DYRK1A: variants seen among roughly 807,000 people sequenced by gnomAD.
DYRK1A encodes the protein dual specificity tyrosine phosphorylation regulated kinase 1A.
DYRK1A carries 9 observed loss-of-function variants against 79.7 expected under a neutral mutation model. That is an observed-to-expected ratio of 0.11 (90% CI 0.07 to 0.20). The LOEUF (loss-of-function observed/expected upper bound fraction) is 0.20, where lower values mean the gene tolerates loss of function less well. Ranked by LOEUF, DYRK1A falls within the 10% of genes least tolerant of loss-of-function variation. The pLI is 1.00. For missense variants in DYRK1A, 622 were observed against 956.0 expected (o/e 0.65, Z 4.61); for synonymous variants, 349 against 329.7 (o/e 1.06, Z -0.63).
intron 2 of DYRK1A, chr21:37,464,248 T>C (rs748167118): frequency 2.1e-6 from 1 of 474,058 alleles, no homozygotes; most frequent in Non-Finnish European, 4.2e-6. Flanking sequence ...ATGTGTTGTT[T>C]ATGAAATATT....
At chr21:37,371,650 A>G (rs1314461331) in intron 1 of DYRK1A, among the ~76,000 whole-genome samples, 2 of 152,214 alleles carry the variant, frequency 1.3e-5, no homozygotes, top group Non-Finnish European at 2.9e-5. Flanking sequence ...TTGACAAGTT[A>G]CATAATTTTT....
At chr21:37,509,765 T>G (rs1021773469) in intron 11 of DYRK1A, among the ~76,000 whole-genome samples, 2 of 152,216 alleles carry the variant, frequency 1.3e-5, no homozygotes, top group African/African-American at 4.8e-5. Flanking sequence ...ATTTCCAACC[T>G]TTTTTACTAT....
At position 37,455,824 on chromosome 21, in the gene DYRK1A, T is replaced by A. The variant is rs968733280; in HGVS notation, c.11-16860T>A. Among the ~76,000 whole-genome samples, 4 of 152,212 alleles carry A rather than the reference T, an allele frequency of 2.6e-5. No individual in the cohort carries two copies. The South Asian group carries it at 8.3e-4, about 32-fold the overall frequency. Reference sequence around the variant, plus strand: ...TTAACTCTTTACTGTTCTTAGTACCTTGAGGTTTAAGTACTGTTATAAACC... The same window carrying A: ...TTAACTCTTTACTGTTCTTAGTACCATGAGGTTTAAGTACTGTTATAAACC... On this transcript the variant is annotated intron_variant, in intron 2 of 11. Transcript: ENST00000647188.
rs1044772175 is a variant in DYRK1A at position 37,524,965 on chromosome 21, G to A, written c.*12434G>A. The A allele has an allele frequency of 7.9e-5, 12 of 152,334 alleles. No homozygotes were observed. Among genetic ancestry groups the A allele is most frequent in the Admixed American group, 4.6e-4 (7 of 15,292 alleles). The allele number at this position is 152,334 out of a possible 1,614,324, so 9.4% of individuals were successfully genotyped here. ...AGTACAAAAATTAGCCGGGCATGAT[G>A]GCATGCACTGGTAATTCCAGCTACT... is the stretch of plus-strand genomic sequence containing the variant. On this transcript the variant is annotated 3_prime_UTR_variant, in exon 12 of 12. Coordinates refer to ENST00000647188, the MANE Select transcript of DYRK1A (RefSeq NM_001347721.2).
At chr21:37,377,988 G>A (rs1297649723) in intron 1 of DYRK1A, among the ~76,000 whole-genome samples, 3 of 152,170 alleles carry the variant, frequency 2.0e-5, no homozygotes, top group East Asian at 1.9e-4. Flanking sequence ...TTGCCATATT[G>A]TCTTCCAGAA....
intron 9 of DYRK1A, chr21:37,503,622 T>C (rs947561630): frequency 2.6e-5 from 4 of 152,228 alleles, no homozygotes; most frequent in African/African-American, 9.7e-5. Context: ...GGGGTCTGGC[T>C]ATGTTGCCTT....
chr21:37,430,919 C>T (rs530586119), intron 2 of DYRK1A, among the ~76,000 whole-genome samples: 1 of 152,182 alleles, frequency 6.6e-6, no homozygotes, highest in South Asian at 2.1e-4. Context: ...CCAGTCTCTC[C>T]CCTTCTTTCT....
intron 2 of DYRK1A, among the ~76,000 whole-genome samples, chr21:37,431,952 T>TA (rs2050787696): frequency 6.6e-6 from 1 of 152,222 alleles, no homozygotes; most frequent in South Asian, 2.1e-4. Context: ...AGGTGACACT[T>TA]ACTGTACTAT....
chr21:37,377,500 T>C (rs1457892859), intron 1 of DYRK1A, among the ~76,000 whole-genome samples: 3 of 152,008 alleles, frequency 2.0e-5, no homozygotes, highest in Non-Finnish European at 2.9e-5. Flanking sequence ...GGACAGAGTC[T>C]CGCTGTCACT....
At chr21:37,395,971 A>G (rs2049953272) in intron 1 of DYRK1A, among the ~76,000 whole-genome samples, 1 of 152,200 alleles carries the variant, frequency 6.6e-6, no homozygotes, top group East Asian at 1.9e-4. Flanking sequence ...TTTATATGCC[A>G]CACAAAACAT....
intron 2 of DYRK1A, among the ~76,000 whole-genome samples, chr21:37,441,352 C>G (rs557398830): frequency 1.1e-4 from 17 of 152,142 alleles, no homozygotes; most frequent in African/African-American, 3.9e-4. Context: ...CTCTGCTTCT[C>G]ATTTGAGGTA....
chr21:37,413,308 T>G (rs1196324940), intron 1 of DYRK1A, among the ~76,000 whole-genome samples: 1 of 152,202 alleles, frequency 6.6e-6, no homozygotes, highest in African/African-American at 2.4e-5. Context: ...CAATGGTTTA[T>G]AAAATGATAT....
intron 8 of DYRK1A, among the ~76,000 whole-genome samples, chr21:37,495,899 CATAAT>C (rs1442702267): frequency 6.6e-6 from 1 of 152,140 alleles, no homozygotes; most frequent in Non-Finnish European, 1.5e-5. Flanking sequence ...GGCTACCTGA[CATAAT>C]ATGTTTGTTA....
At chr21:37,418,402 TC>T (rs932318709) in intron 1 of DYRK1A, among the ~76,000 whole-genome samples, 2 of 152,212 alleles carry the variant, frequency 1.3e-5, no homozygotes, top group Non-Finnish European at 2.9e-5. Flanking sequence ...AGTAATGAAA[TC>T]TAATTTCTAA....
intron 11 of DYRK1A, among the ~76,000 whole-genome samples, chr21:37,511,689 G>C (rs1261390290): frequency 1.3e-5 from 2 of 152,136 alleles, no homozygotes; most frequent in Non-Finnish European, 2.9e-5. Flanking sequence ...ACCTATTTAA[G>C]GATATAACTT....
intron 2 of DYRK1A, among the ~76,000 whole-genome samples, chr21:37,460,096 T>G (rs905737254): frequency 6.6e-6 from 1 of 150,922 alleles, no homozygotes; most frequent in Non-Finnish European, 1.5e-5. Flanking sequence ...TTTGTTGCTT[T>G]CTTTAGCATG....
chr21:37,458,142 G>A (rs2051714478), intron 2 of DYRK1A, among the ~76,000 whole-genome samples: 1 of 152,150 alleles, frequency 6.6e-6, no homozygotes, highest in African/African-American at 2.4e-5. Flanking sequence ...GCATTTAGAT[G>A]TGTTGTGCCA....
chr21:37,427,162 T>C (rs545848412), intron 2 of DYRK1A, among the ~76,000 whole-genome samples: 16 of 152,210 alleles, frequency 1.1e-4, no homozygotes, highest in Non-Finnish European at 1.6e-4. Context: ...TAAGCTGGAA[T>C]GCCATGTGGC....
In DYRK1A at chr21:37,391,399, A is replaced by G. The variant is rs118024727; in HGVS notation, c.-77+23771A>G. ...CTGTGCCATCTTCTATCCATTGTCT[A>G]AAAACTTCTTTGTCCATCACTGTCT... On this transcript the variant is annotated intron_variant, in intron 1 of 11. Coordinates refer to ENST00000647188, the MANE Select transcript of DYRK1A (RefSeq NM_001347721.2). Among the ~76,000 whole-genome samples the G allele has an allele frequency of 7.1e-4, 108 of 152,290 alleles. 1 individual carries two copies. The East Asian group carries it at 0.012, about 17-fold the overall frequency.
Sources: gnomAD v4.1 joint callset for allele counts (sites outside exome capture counted in the v4.1 genomes callset) on GRCh38, gnomAD v4.1.1 for gene constraint, MANE v1.5 for transcripts, NCBI Gene and HGNC (gene_info 2026-07-23, HGNC 2026-07-21) for gene names.